Variants in ARHGAP15 observed in about 807,000 individuals in gnomAD.
ARHGAP15 encodes the protein rho GTPase-activating protein 15.
In ARHGAP15, 51 loss-of-function variants were observed where a neutral mutation model predicts 63.7. The ratio of observed to expected loss-of-function variants is 0.80; its 90% CI spans 0.64 to 1.01. The LOEUF (loss-of-function observed/expected upper bound fraction) is 1.01, where lower values mean the gene tolerates loss of function less well. ARHGAP15 is among the 50% of genes least tolerant of loss of function. The pLI, the probability that ARHGAP15 is intolerant of heterozygous loss-of-function variation, is 0.00. For synonymous variants in ARHGAP15, 191 were observed against 193.8 expected (o/e 0.99, Z 0.12); for missense variants, 560 against 564.6 (o/e 0.99, Z 0.08).
chr2:143,375,024 AC>A (rs1686741397), intron 6 of ARHGAP15, among the ~76,000 whole-genome samples: 1 of 152,250 alleles, frequency 6.6e-6, no homozygotes, highest in South Asian at 2.1e-4. Flanking sequence ...GTAAAATAAA[AC>A]AATGAAAAAA....
At chr2:143,574,659 A>T (rs1288760078) in intron 11 of ARHGAP15, among the ~76,000 whole-genome samples, 1 of 152,152 alleles carries the variant, frequency 6.6e-6, no homozygotes, top group East Asian at 1.9e-4. Context: ...GTCTCATGCC[A>T]GTGGCAGTAA....
intron 12 of ARHGAP15, among the ~76,000 whole-genome samples, chr2:143,700,772 C>T (rs1026150378): frequency 7.9e-5 from 12 of 152,140 alleles, no homozygotes; most frequent in African/African-American, 1.4e-4. Flanking sequence ...GGATAGAAAG[C>T]ATTCAAGCAT....
chr2:143,556,546 C>T (rs1695808151), intron 11 of ARHGAP15, 61 bp downstream of exon 11: 2 of 1,259,040 alleles, frequency 1.6e-6, no homozygotes, highest in South Asian at 2.4e-5. Flanking sequence ...ATATTTCATA[C>T]ACTGTGCTGT....
intron 6 of ARHGAP15, 93 bp from the exon 7 acceptor site, chr2:143,435,508 G>T: frequency 1.5e-6 from 2 of 1,360,702 alleles, no homozygotes; most frequent in Non-Finnish European, 1.9e-6. Flanking sequence ...TTATTAAACT[G>T]TGTTTTTTAA....
intron 8 of ARHGAP15, among the ~76,000 whole-genome samples, chr2:143,467,735 A>C (rs78300888): frequency 6.6e-6 from 1 of 152,122 alleles, no homozygotes; most frequent in African/African-American, 2.4e-5. Context: ...AAGAAGAACA[A>C]GATTTTCATG....
chr2:143,430,595 T>A (rs1261568303), intron 6 of ARHGAP15, among the ~76,000 whole-genome samples: 2 of 152,076 alleles, frequency 1.3e-5, no homozygotes, highest in Non-Finnish European at 2.9e-5. Flanking sequence ...TCTTGATATC[T>A]CCCTATCATG....
intron 12 of ARHGAP15, among the ~76,000 whole-genome samples, chr2:143,631,203 A>C (rs2105254738): frequency 6.6e-6 from 1 of 152,222 alleles, no homozygotes; most frequent in East Asian, 1.9e-4. Flanking sequence ...TGAAGATAAC[A>C]CAATTTGTTC....
intron 6 of ARHGAP15, among the ~76,000 whole-genome samples, chr2:143,343,584 A>G (rs1188415628): frequency 6.6e-6 from 1 of 152,112 alleles, no homozygotes; most frequent in Non-Finnish European, 1.5e-5. Flanking sequence ...GGGGATGGAT[A>G]GAAACTCGAT....
At chr2:143,747,478 T>C (rs1322843656) in intron 13 of ARHGAP15, among the ~76,000 whole-genome samples, 1 of 152,206 alleles carries the variant, frequency 6.6e-6, no homozygotes. Context: ...ACCACCATTA[T>C]AGTGTCAGAG....
intron 5 of ARHGAP15, among the ~76,000 whole-genome samples, chr2:143,249,325 C>A (rs1445653891): frequency 6.6e-6 from 1 of 151,452 alleles, no homozygotes; most frequent in Non-Finnish European, 1.5e-5. Context: ...CATAAAAAAA[C>A]AAATTTCTGG....
At chr2:143,131,250 A>ACTTT (rs1178781365) in intron 1 of ARHGAP15, among the ~76,000 whole-genome samples, 3 of 152,212 alleles carry the variant, frequency 2.0e-5, no homozygotes, top group African/African-American at 7.2e-5. Context: ...TTGTTTGTAA[A>ACTTT]GAGCAGTAAG....
At chr2:143,688,746 A>G (rs866430972) in intron 12 of ARHGAP15, among the ~76,000 whole-genome samples, 3 of 152,186 alleles carry the variant, frequency 2.0e-5, no homozygotes, top group Non-Finnish European at 2.9e-5. Context: ...GAGGGCCACA[A>G]TTTCTTTCCT....
At chr2:143,235,212 G>T (rs1254699593) in intron 5 of ARHGAP15, among the ~76,000 whole-genome samples, 2 of 151,134 alleles carry the variant, frequency 1.3e-5, no homozygotes, top group Non-Finnish European at 2.9e-5. Context: ...AAAAAATAGG[G>T]TGAGATGAAA....
intron 6 of ARHGAP15, among the ~76,000 whole-genome samples, chr2:143,336,091 C>T (rs765707241): frequency 6.6e-6 from 1 of 152,126 alleles, no homozygotes; most frequent in Non-Finnish European, 1.5e-5. Context: ...GCCTCGACCT[C>T]CCAGGCTCAA....
intron 12 of ARHGAP15, among the ~76,000 whole-genome samples, chr2:143,695,221 A>T (rs1683789045): frequency 6.6e-6 from 1 of 152,238 alleles, no homozygotes; most frequent in Admixed American, 6.5e-5. Context: ...AGGAAAATTG[A>T]ATTAGAGAAA....
At chr2:143,605,539 C>A (rs900967329) in intron 11 of ARHGAP15, among the ~76,000 whole-genome samples, 3 of 151,956 alleles carry the variant, frequency 2.0e-5, no homozygotes, top group African/African-American at 7.3e-5. Flanking sequence ...AAGACAGATA[C>A]CCCAGGGGAA....
chr2:143,433,482 C>T (rs1296003843), intron 6 of ARHGAP15, among the ~76,000 whole-genome samples: 1 of 152,052 alleles, frequency 6.6e-6, no homozygotes, highest in Non-Finnish European at 1.5e-5. Flanking sequence ...ATTCGTAAAT[C>T]ACTGATTATG....
intron 12 of ARHGAP15, among the ~76,000 whole-genome samples, chr2:143,700,103 A>T (rs900892879): frequency 6.6e-6 from 1 of 152,110 alleles, no homozygotes; most frequent in African/African-American, 2.4e-5. Context: ...TTAATAGGGG[A>T]ATTTGACAAG....
intron 12 of ARHGAP15, among the ~76,000 whole-genome samples, chr2:143,687,001 A>T (rs1683381041): frequency 6.6e-6 from 1 of 152,228 alleles, no homozygotes; most frequent in Non-Finnish European, 1.5e-5. Flanking sequence ...GGTACACTGA[A>T]GAATTGAGTC....
Sources: allele counts gnomAD v4.1 joint callset (sites outside exome capture counted in the v4.1 genomes callset), GRCh38; gene constraint gnomAD v4.1.1; transcripts MANE v1.5; gene names NCBI Gene and HGNC (gene_info 2026-07-23, HGNC 2026-07-21).